Variants in SCML2 observed in about 807,000 individuals in gnomAD.
SCML2 encodes Scm polycomb group protein like 2, also known as sex comb on midleg-like protein 2.
In SCML2, 6 loss-of-function variants were observed where a neutral mutation model predicts 48.4. The ratio of observed to expected loss-of-function variants is 0.12; its 90% CI spans 0.07 to 0.24. SCML2 has a LOEUF of 0.24. Among genes scored for constraint, SCML2 ranks in the 10% least tolerant of loss-of-function variants. SCML2 has a pLI of 1.00. For synonymous variants in SCML2, 181 were observed against 189.5 expected (o/e 0.95, Z 0.37); for missense variants, 377 against 528.2 (o/e 0.71, Z 2.81).
chrX:18,293,941 T>C (rs1330790958), intron 7 of SCML2, among the ~76,000 whole-genome samples: 9 of 111,664 alleles, frequency 8.1e-5, no homozygotes, highest in Non-Finnish European at 1.7e-4. Flanking sequence ...CATATTCAAA[T>C]GAACATAAAC....
chrX:18,244,000 G>A (rs755414068), intron 13 of SCML2, among the ~76,000 whole-genome samples: 2 of 111,991 alleles, frequency 1.8e-5, no homozygotes, highest in Non-Finnish European at 3.8e-5. Context: ...TTACCTAGGG[G>A]AAGGATAAAG....
chrX:18,319,457 G>T (rs1160922243), intron 6 of SCML2, among the ~76,000 whole-genome samples: 1 of 109,218 alleles, frequency 9.2e-6, no homozygotes, highest in East Asian at 2.9e-4. Flanking sequence ...AAAAGTATCT[G>T]GGCATGATGG....
At chrX:18,281,108 C>T in intron 7 of SCML2, among the ~76,000 whole-genome samples, 1 of 26 alleles carries the variant, frequency 0.038, no homozygotes, top group East Asian at 0.5. Context: ...AGTCATAAAG[C>T]CAAGTCTCAA....
At chrX:18,312,492 ACT>A (rs1928983393) in intron 6 of SCML2, among the ~76,000 whole-genome samples, 1 of 111,366 alleles carries the variant, frequency 9.0e-6, no homozygotes, top group Non-Finnish European at 1.9e-5. Context: ...TAGCTGTTAT[ACT>A]ATATTTTTTT....
At chrX:18,311,910 C>G (rs945850761) in intron 6 of SCML2, among the ~76,000 whole-genome samples, 2 of 111,520 alleles carry the variant, frequency 1.8e-5, no homozygotes, top group African/African-American at 6.5e-5. Context: ...CCTGTTTCAG[C>G]CACCCGAGTA....
intron 11 of SCML2, among the ~76,000 whole-genome samples, chrX:18,251,796 C>T (rs747385061): frequency 3.6e-5 from 4 of 112,519 alleles, no homozygotes; most frequent in South Asian, 3.7e-4. Context: ...TGAGAGAACA[C>T]GTATCCACAC....
intron 1 of SCML2, among the ~76,000 whole-genome samples, chrX:18,351,756 G>C (rs1930384187): frequency 9.2e-6 from 1 of 109,190 alleles, no homozygotes; most frequent in Admixed American, 9.8e-5. Context: ...CCAGTTACTA[G>C]AGTTACAAAA....
At chrX:18,339,928 T>C (rs775864157) in intron 1 of SCML2, among the ~76,000 whole-genome samples, 1 of 111,925 alleles carries the variant, frequency 8.9e-6, no homozygotes, top group East Asian at 2.8e-4. Flanking sequence ...GTTAACCATC[T>C]GGTGTACACC....
intron 1 of SCML2, among the ~76,000 whole-genome samples, chrX:18,345,687 T>C (rs1049727356): frequency 2.7e-5 from 3 of 109,385 alleles, no homozygotes; most frequent in Non-Finnish European, 5.7e-5. Flanking sequence ...CCACCACACA[T>C]GGACTAAAAC....
At position 18,326,801 on chromosome X, in the gene SCML2, T is replaced by C. The variant is rs1929495315; in HGVS notation, c.92-1824A>G. The stretch of plus-strand genomic sequence containing the variant: ...CATTCACTTTCTTAGCCTCAGTTCC[T>C]TCATTTATAAAACGGGAAAAGTAAT... On this transcript the variant is annotated intron_variant, in intron 3 of 14. Transcript: ENST00000251900. Among the ~76,000 whole-genome samples the C allele has an allele frequency of 2.7e-5, 3 of 111,375 alleles. No individual in the cohort carries two copies. In the Admixed American group the frequency reaches 2.9e-4, roughly 11 times the overall value.
intron 11 of SCML2, among the ~76,000 whole-genome samples, chrX:18,254,260 C>T (rs1926762043): frequency 8.9e-6 from 1 of 112,084 alleles, no homozygotes; most frequent in African/African-American, 3.2e-5. Flanking sequence ...ATTTTTGAGT[C>T]ACTTATTTTA....
rs764059886 is a variant in SCML2, at chrX:18,260,296, TAAAAAC to T, written c.949-11_949-6del. On this transcript the variant is annotated splice_region_variant and splice_polypyrimidine_tract_variant and intron_variant, in intron 8 of 14. Coordinates refer to ENST00000251900, the MANE Select transcript of SCML2 (RefSeq NM_006089.3). Reference sequence around the variant, plus strand: ...TATCACGGGCAAAGGTTTTTCCTGTTAAAAACAAAGGGAAAAAAACACAAGTATACA... The same window carrying T: ...TATCACGGGCAAAGGTTTTTCCTGTTAAAGGGAAAAAAACACAAGTATACA... 2.5e-6 allele frequency: 3 copies of T among 1,184,132 alleles called. No individual in the cohort carries two copies. Among genetic ancestry groups the T allele is most frequent in the Non-Finnish European group, 2.3e-6 (2 of 880,722 alleles).
intron 7 of SCML2, among the ~76,000 whole-genome samples, chrX:18,289,920 A>C (rs996596551): frequency 1.8e-5 from 2 of 111,491 alleles, no homozygotes; most frequent in Admixed American, 9.6e-5. Flanking sequence ...CTGAACAAAA[A>C]AATTCCCAAA....
rs149390361 is a variant in SCML2, at chrX:18,251,557, T to C, written c.1457-3675A>G. On this transcript the variant is annotated intron_variant, in intron 11 of 14. Coordinates refer to ENST00000251900, the MANE Select transcript of SCML2 (RefSeq NM_006089.3). ...AGAAAAGATGCTCATCATCAACTACTGGAAAAATGCAAATCACACCATAAT... is the reference window on the plus strand; with the variant it reads ...AGAAAAGATGCTCATCATCAACTACCGGAAAAATGCAAATCACACCATAAT... Among the ~76,000 whole-genome samples, 743 of 111,372 alleles carry C rather than the reference T, an allele frequency of 6.7e-3. 6 individuals are homozygous for C. The highest frequency in any genetic ancestry group is 0.015 in the African/African-American group (446 of 30,647).
At chrX:18,306,741 C>T (rs998922202) in intron 6 of SCML2, among the ~76,000 whole-genome samples, 1 of 111,364 alleles carries the variant, frequency 9.0e-6, no homozygotes, top group African/African-American at 3.3e-5. Flanking sequence ...TCTCATCACC[C>T]TGTATTTTTC....
chrX:18,279,510 C>A lies in SCML2; in HGVS notation c.731-13708G>T, dbSNP rs185142601. Among the ~76,000 whole-genome samples the A allele has an allele frequency of 1.2e-4, 14 of 112,278 alleles. No homozygotes were observed. In the East Asian group the frequency reaches 3.9e-3, roughly 32 times the overall value. ...CCAAAGGAGTCTACTAGCTCCCCAG[C>A]AATGGTTCTTAATCAGTCTGAAATG... On this transcript the variant is annotated intron_variant, in intron 7 of 14. Coordinates refer to ENST00000251900, the MANE Select transcript of SCML2 (RefSeq NM_006089.3).
intron 8 of SCML2, among the ~76,000 whole-genome samples, chrX:18,261,171 A>G (rs779188707): frequency 9.2e-6 from 1 of 108,636 alleles, no homozygotes; most frequent in South Asian, 3.9e-4. Context: ...GAAACAAAAA[A>G]TGTGATTTTT....
At chrX:18,307,589 C>T (rs1928797449) in intron 6 of SCML2, among the ~76,000 whole-genome samples, 1 of 111,828 alleles carries the variant, frequency 8.9e-6, no homozygotes, top group Non-Finnish European at 1.9e-5. Context: ...TGTAGCAAAG[C>T]AAACTAAGTT....
At chrX:18,266,229 A>C (rs766890620) in intron 7 of SCML2, among the ~76,000 whole-genome samples, 8 of 111,758 alleles carry the variant, frequency 7.2e-5, no homozygotes, top group Non-Finnish European at 1.5e-4. Flanking sequence ...CTCCTGCTTC[A>C]TGTTTCAGAG....
Sources: gnomAD v4.1 joint callset for allele counts (sites outside exome capture counted in the v4.1 genomes callset) on GRCh38, gnomAD v4.1.1 for gene constraint, MANE v1.5 for transcripts, NCBI Gene and HGNC (gene_info 2026-07-23, HGNC 2026-07-21) for gene names.